RPTOR: variants seen among roughly 807,000 people sequenced by gnomAD.
The protein encoded by RPTOR is regulatory associated protein of MTOR complex 1.
A neutral mutation model predicts 169.9 loss-of-function variants in RPTOR; 21 were observed. That is an observed-to-expected ratio of 0.12 (90% CI 0.09 to 0.18). The LOEUF is 0.18. Ranked by LOEUF, RPTOR falls within the 10% of genes least tolerant of loss-of-function variation. The pLI, the probability that RPTOR is intolerant of heterozygous loss-of-function variation, is 1.00. For missense variants in RPTOR, 1,133 were observed against 1,855.9 expected (o/e 0.61, Z 7.16); for synonymous variants, 732 against 753.2 (o/e 0.97, Z 0.46).
At chr17:80,934,753 A>G (rs2068936048) in intron 24 of RPTOR, among the ~76,000 whole-genome samples, 2 of 152,150 alleles carry the variant, frequency 1.3e-5, no homozygotes, top group South Asian at 4.1e-4. Flanking sequence ...AAATAATACC[A>G]CTTCTGCACA....
intron 20 of RPTOR, among the ~76,000 whole-genome samples, chr17:80,900,686 G>A (rs1233269890): frequency 2.0e-5 from 3 of 152,232 alleles, no homozygotes; most frequent in Non-Finnish European, 4.4e-5. Flanking sequence ...GTCTGCCAAG[G>A]GCCTGGTGGC....
intron 2 of RPTOR, among the ~76,000 whole-genome samples, chr17:80,627,062 C>T (rs1403156396): frequency 6.6e-6 from 1 of 152,166 alleles, no homozygotes; most frequent in Non-Finnish European, 1.5e-5. Flanking sequence ...TTTGTTTCTG[C>T]CTTCTTTCAC....
intron 26 of RPTOR, among the ~76,000 whole-genome samples, chr17:80,946,436 C>T (rs1037413647): frequency 6.6e-6 from 1 of 152,226 alleles, no homozygotes; most frequent in Non-Finnish European, 1.5e-5. Flanking sequence ...GTCTCCAGAA[C>T]CTTCTCATCA....
At position 80,817,269 on chromosome 17, in the gene RPTOR, C is replaced by T. The variant is rs185126146; in HGVS notation, c.891-4932C>T. On this transcript the variant is annotated intron_variant, in intron 7 of 33. Coordinates refer to ENST00000306801, the MANE Select transcript of RPTOR (RefSeq NM_020761.3). ...AATTCAAGCCCCCGTCTGTCTGGCTCCCAAGTTTAGGCCTGGAAGTGAAGG... is the reference window on the plus strand; with the variant it reads ...AATTCAAGCCCCCGTCTGTCTGGCTTCCAAGTTTAGGCCTGGAAGTGAAGG... 1.5e-4 allele frequency among the ~76,000 whole-genome samples: 23 copies of T among 152,232 alleles called. No individual in the cohort carries two copies. The East Asian group carries it at 4.3e-3, about 28-fold the overall frequency.
chr17:80,867,403 C>G (rs755750072), intron 13 of RPTOR, among the ~76,000 whole-genome samples: 32 of 151,516 alleles, frequency 2.1e-4, no homozygotes, highest in Non-Finnish European at 5.9e-5. Context: ...TAGAAGGGAA[C>G]TTCGTCTACC....
chr17:80,620,641 C>G (rs942590033), intron 1 of RPTOR, among the ~76,000 whole-genome samples: 2 of 152,182 alleles, frequency 1.3e-5, no homozygotes, highest in Non-Finnish European at 2.9e-5. Flanking sequence ...TGGTAGGCGC[C>G]TGTAATCCCA....
In RPTOR at chr17:80,861,821, G is replaced by T. The variant is rs1359161006; in HGVS notation, c.1509+3921G>T. On this transcript the variant is annotated intron_variant, in intron 13 of 33. Coordinates refer to ENST00000306801, the MANE Select transcript of RPTOR (RefSeq NM_020761.3). The surrounding 1 kb of genome is among the most constrained non-coding windows in gnomAD (Gnocchi z 4.5). ...TACCTTTTAGGACCTGGAAATTGAT[G>T]ATGTCTTTATTTTTAGTCTCAGGGG... Among the ~76,000 whole-genome samples the T allele has an allele frequency of 6.6e-6, 1 of 152,198 alleles. No individual in the cohort carries two copies. Among genetic ancestry groups the T allele is most frequent in the Non-Finnish European group, 1.5e-5 (1 of 68,030 alleles).
intron 4 of RPTOR, among the ~76,000 whole-genome samples, chr17:80,717,466 C>T (rs1419152633): frequency 6.6e-6 from 1 of 152,168 alleles, no homozygotes; most frequent in Non-Finnish European, 1.5e-5. Flanking sequence ...GTATTTTCCC[C>T]CACTGTGTTA....
chr17:80,664,316 C>A (rs2143656257), intron 3 of RPTOR, among the ~76,000 whole-genome samples: 1 of 152,182 alleles, frequency 6.6e-6, no homozygotes, highest in East Asian at 1.9e-4. Flanking sequence ...TTATTTTTTT[C>A]CCTAAGTAAC....
At chr17:80,896,470 G>A (rs548648314) in intron 20 of RPTOR, among the ~76,000 whole-genome samples, 156 of 12,322 alleles carry the variant, frequency 0.013, 6 homozygotes, top group African/African-American at 0.029. Flanking sequence ...CGGCCGCACC[G>A]ACACATCCCA....
chr17:80,964,417 CG>C lies in RPTOR; in HGVS notation c.*89del. ...CCGGGGCACGGGGCGTCGGCTGCTG[CG>C]GCCCCGCAGTGTGAACGTTGGCTGC... is the stretch of plus-strand genomic sequence containing the variant. On this transcript the variant is annotated 3_prime_UTR_variant, in exon 34 of 34. Transcript: ENST00000306801. 7.4e-7 allele frequency: 1 copy of C among 1,344,662 alleles called. No homozygotes were observed. Among genetic ancestry groups the C allele is most frequent in the Non-Finnish European group, 1.1e-6 (1 of 951,278 alleles). 83.3% of individuals were successfully genotyped at this position (1,344,662 alleles called of 1,614,324 possible).
intron 31 of RPTOR, 133 bp from the exon 32 acceptor site, chr17:80,962,328 C>A: frequency 1.4e-6 from 1 of 721,206 alleles, no homozygotes; most frequent in Non-Finnish European, 2.4e-6. Flanking sequence ...GCTGAGCATC[C>A]AGGCAGCTTT....
Position 80,819,211 on chromosome 17 carries a change from G to A in RPTOR, c.891-2990G>A, listed in dbSNP as rs56774206. 2.1e-3 allele frequency among the ~76,000 whole-genome samples: 326 copies of A among 152,252 alleles called. 1 individual carries two copies. Among genetic ancestry groups the A allele is most frequent in the African/African-American group, 7.7e-3 (319 of 41,542 alleles). Reference sequence around the variant, plus strand: ...AAGGATGAGGAGATGCAGGAGCCAGGGTTTTGGCAGTTCCCTGTTACTCAG... The same window carrying A: ...AAGGATGAGGAGATGCAGGAGCCAGAGTTTTGGCAGTTCCCTGTTACTCAG... On this transcript the variant is annotated intron_variant, in intron 7 of 33. Coordinates refer to ENST00000306801, the MANE Select transcript of RPTOR (RefSeq NM_020761.3).
At chr17:80,871,128 C>A (rs1172345799) in intron 13 of RPTOR, among the ~76,000 whole-genome samples, 1 of 151,940 alleles carries the variant, frequency 6.6e-6, no homozygotes, top group Admixed American at 6.5e-5. Flanking sequence ...TCGTTTGAGA[C>A]GGAGTCTCAC....
At chr17:80,770,762 C>T (rs796191524) in intron 6 of RPTOR, among the ~76,000 whole-genome samples, 12 of 152,348 alleles carry the variant, frequency 7.9e-5, no homozygotes, top group African/African-American at 2.4e-4. Context: ...TTGCTGTCCG[C>T]AAGATCCCCA....
In RPTOR at chr17:80,609,525, T is replaced by A. The variant is rs981339782; in HGVS notation, c.163-16166T>A. On this transcript the variant is annotated intron_variant, in intron 1 of 33. Transcript: ENST00000306801. This position sits in a 1 kb window ranked among gnomAD's most constrained non-coding sequence, Gnocchi z 4.8. Reference sequence around the variant, plus strand: ...TTTTGGGAGGCTGAGGTGGGCAGATTATTTGAAGTCATAGTTCGAGACCAG... The same window carrying A: ...TTTTGGGAGGCTGAGGTGGGCAGATAATTTGAAGTCATAGTTCGAGACCAG... 2.6e-5 allele frequency among the ~76,000 whole-genome samples: 4 copies of A among 152,086 alleles called. No individual in the cohort carries two copies. The East Asian group carries it at 7.7e-4, about 29-fold the overall frequency.
intron 1 of RPTOR, among the ~76,000 whole-genome samples, chr17:80,561,239 T>TTA (rs775949956): frequency 2.3e-4 from 27 of 115,196 alleles, no homozygotes; most frequent in African/African-American, 1.0e-3. Flanking sequence ...CCCGGCTAAT[T>TTA]TATATATATA....
intron 1 of RPTOR, among the ~76,000 whole-genome samples, chr17:80,597,396 C>A (rs2065151861): frequency 6.6e-6 from 1 of 152,196 alleles, no homozygotes; most frequent in South Asian, 2.1e-4. Context: ...TCAAATTACT[C>A]ATCCCTGGGC....
intron 6 of RPTOR, among the ~76,000 whole-genome samples, chr17:80,784,207 G>A (rs927980020): frequency 6.6e-6 from 1 of 150,930 alleles, no homozygotes. Flanking sequence ...TCCTGCCTTG[G>A]GCTCCCAGAG....
Sources: allele counts gnomAD v4.1 joint callset (sites outside exome capture counted in the v4.1 genomes callset), GRCh38; gene constraint gnomAD v4.1.1; non-coding constraint Gnocchi (gnomAD v3.1); transcripts MANE v1.5; gene names NCBI Gene and HGNC (gene_info 2026-07-23, HGNC 2026-07-21).